The following RRH variants were observed in gnomAD, a reference collection of about 807,000 sequenced individuals.
The protein encoded by RRH is visual pigment-like receptor peropsin.
A neutral mutation model predicts 33.1 loss-of-function variants in RRH; 36 were observed. That is an observed-to-expected ratio of 1.09 (90% CI 0.83 to 1.44). The LOEUF (loss-of-function observed/expected upper bound fraction) is 1.44, where lower values mean the gene tolerates loss of function less well. Among genes scored for constraint, RRH ranks in the 40% most tolerant of loss-of-function variants. The pLI is 0.00. For synonymous variants in RRH, 124 were observed against 140.2 expected (o/e 0.88, Z 0.82); for missense variants, 393 against 420.2 (o/e 0.94, Z 0.57).
intron 4 of RRH, among the ~76,000 whole-genome samples, chr4:109,836,860 G>C (rs1733893663): frequency 7.8e-6 from 1 of 127,740 alleles, no homozygotes; most frequent in Non-Finnish European, 1.6e-5. Context: ...TTTGAGACCA[G>C]CCTGGGCAAC....
In RRH at chr4:109,837,565, C is replaced by G; in HGVS notation, c.680C>G (p.Ser227Cys). 6.2e-7 allele frequency: 1 copy of G among 1,613,948 alleles called. No homozygotes were observed. Among genetic ancestry groups the G allele is most frequent in the Non-Finnish European group, 8.5e-7 (1 of 1,179,864 alleles). ...KHHTTSDCTE[S>C]LNRDWSDQID... ...CACACTACCAGTGACTGCACTGAGT[C>G]CCTCAACAGAGACTGGTCAGATCAG... Residue 227 changes from serine (S) to cysteine (C), a missense_variant, in exon 5 of 7, where the codon TCC becomes TGC. Coordinates refer to ENST00000317735, the MANE Select transcript of RRH (RefSeq NM_006583.5).
At chr4:109,828,261 T>A in intron 1 of RRH, 128 bp downstream of exon 1, 1 of 666,226 alleles carries the variant, frequency 1.5e-6, no homozygotes, top group Non-Finnish European at 2.7e-6. Flanking sequence ...TTATCCTGAC[T>A]TGGCTTGCTC....
chr4:109,834,077 A>G (rs187004459), intron 2 of RRH, among the ~76,000 whole-genome samples: 1 of 152,250 alleles, frequency 6.6e-6, no homozygotes, highest in Admixed American at 6.5e-5. Context: ...TCTCTAATAT[A>G]TGTGCACATA....
intron 1 of RRH, among the ~76,000 whole-genome samples, chr4:109,829,315 A>G (rs754079726): frequency 1.3e-5 from 2 of 151,916 alleles, no homozygotes; most frequent in Non-Finnish European, 2.9e-5. Context: ...GACAAGTTCT[A>G]GTTTTTTTGT....
chr4:109,828,239 TTGACAAGTCATTTATCC>T, intron 1 of RRH, 106 bp downstream of exon 1: 1 of 741,896 alleles, frequency 1.3e-6, no homozygotes. Context: ...TTGGCCAACC[TTGACAAGTCATTTATCC>T]TGACTTGGCT....
At position 109,835,376 on chromosome 4, in the gene RRH, G is replaced by A; in HGVS notation, c.308G>A (p.Gly103Glu). The change falls in exon 3 of 7, where the codon GGA (glycine) becomes GAA (glutamate). Residue 103 changes from glycine to glutamate, a missense_variant. Coordinates refer to ENST00000317735, the MANE Select transcript of RRH (RefSeq NM_006583.5). ...FGYAGCQVYAGLNIFFGMASI... is the reference protein window; with the variant it reads ...FGYAGCQVYAELNIFFGMASI... ...AATTTTGGTTTTCAGGTTTATGCTG[G>A]ATTGAATATTTTTTTTGGAATGGCA... 6.2e-7 allele frequency: 1 copy of A among 1,613,732 alleles called. No individual in the cohort carries two copies. Among genetic ancestry groups the A allele is most frequent in the Non-Finnish European group, 8.5e-7 (1 of 1,179,668 alleles).
At chr4:109,837,001 G>T in intron 4 of RRH, among the ~76,000 whole-genome samples, 1 of 151,898 alleles carries the variant, frequency 6.6e-6, no homozygotes, top group East Asian at 1.9e-4. Context: ...AATGGAGATT[G>T]GCTTGGGCTG....
chr4:109,839,099 G>GGAGATTTGTTTCTTT (rs1560585593), intron 5 of RRH, among the ~76,000 whole-genome samples: 1 of 149,824 alleles, frequency 6.7e-6, no homozygotes, highest in African/African-American at 2.5e-5. Flanking sequence ...TTCTTTTGTG[G>GGAGATTTGTTTCTTT]TTGTTGTTTG....
rs564564726 is a variant in RRH at position 109,840,807 on chromosome 4, C to T, written c.721-1662C>T. Among the ~76,000 whole-genome samples the T allele has an allele frequency of 4.6e-5, 7 of 151,334 alleles. No individual in the cohort carries two copies. The South Asian group carries it at 1.5e-3, about 32-fold the overall frequency. Reference sequence around the variant, plus strand: ...TAATGTCTGGTGGTCAGTGATTGTCCCTTCATACTTAAGAGTAATGCATTA... The same window carrying T: ...TAATGTCTGGTGGTCAGTGATTGTCTCTTCATACTTAAGAGTAATGCATTA... On this transcript the variant is annotated intron_variant, in intron 5 of 6. Coordinates refer to ENST00000317735, the MANE Select transcript of RRH (RefSeq NM_006583.5).
intron 6 of RRH, among the ~76,000 whole-genome samples, chr4:109,843,331 C>A (rs1463305664): frequency 6.6e-6 from 1 of 152,192 alleles, no homozygotes; most frequent in Non-Finnish European, 1.5e-5. Context: ...CTGCCTCAGC[C>A]TCCCGAGTAG....
intron 1 of RRH, among the ~76,000 whole-genome samples, chr4:109,831,139 TG>T (rs1733741747): frequency 6.6e-6 from 1 of 152,190 alleles, no homozygotes; most frequent in African/African-American, 2.4e-5. Context: ...TCCTTTATTC[TG>T]GTTGCGTACT....
At position 109,836,266 on chromosome 4, in the gene RRH, G is replaced by A. The variant is rs190463821; in HGVS notation, c.551+106G>A. 1.3e-4 allele frequency: 153 copies of A among 1,179,724 alleles called. No individual in the cohort carries two copies. In the East Asian group the frequency reaches 1.9e-3, roughly 15 times the overall value. 73.1% of individuals were successfully genotyped at this position (1,179,724 alleles called of 1,614,324 possible). ...ATGTGTTCCTCATACAGAAGGTGGC[G>A]AAGCACTTCCCTGGTAGTGATGATG... is the stretch of plus-strand genomic sequence containing the variant. On this transcript the variant is annotated intron_variant, in intron 4 of 6. Coordinates refer to ENST00000317735, the MANE Select transcript of RRH (RefSeq NM_006583.5).
intron 2 of RRH, among the ~76,000 whole-genome samples, chr4:109,833,957 G>T (rs58489427): frequency 6.6e-6 from 1 of 152,016 alleles, no homozygotes. Flanking sequence ...TTAATGTTTC[G>T]CAATCTGTGC....
chr4:109,831,984 G>A (rs2125892207), intron 1 of RRH, among the ~76,000 whole-genome samples: 1 of 152,004 alleles, frequency 6.6e-6, no homozygotes, highest in African/African-American at 2.4e-5. Flanking sequence ...TTACTGAGCT[G>A]ATGTTGTATG....
chr4:109,840,151 G>A (rs185310039), intron 5 of RRH, among the ~76,000 whole-genome samples: 1 of 151,698 alleles, frequency 6.6e-6, no homozygotes, highest in Non-Finnish European at 1.5e-5. Context: ...CTTTTTATTA[G>A]CAGCTATTCT....
rs1414285108 is a variant in RRH at position 109,837,436 on chromosome 4, G to T, written c.552-1G>T. 1 of 1,613,694 alleles carries T rather than the reference G, an allele frequency of 6.2e-7. No individual in the cohort carries two copies. Among genetic ancestry groups the T allele is most frequent in the Admixed American group, 1.7e-5 (1 of 60,012 alleles). ...TCATGATTGCCTTTTCTTATTTTCA[G>T]ATCTTTTGTGTCTTACACCATGACA... On this transcript the variant is annotated splice_acceptor_variant, in intron 4 of 6. Coordinates refer to ENST00000317735, the MANE Select transcript of RRH (RefSeq NM_006583.5). LOFTEE classifies it high-confidence loss of function.
intron 1 of RRH, among the ~76,000 whole-genome samples, chr4:109,830,367 A>G (rs951984947): frequency 6.6e-5 from 10 of 152,168 alleles, no homozygotes; most frequent in Admixed American, 1.3e-4. Flanking sequence ...GAAATGTGCT[A>G]TAGTGGTAGC....
At position 109,836,009 on chromosome 4, in the gene RRH, A is replaced by C. The variant is rs1285323779; in HGVS notation, c.400A>C (p.Arg134=). The change falls in exon 4 of 7, where the codon AGA becomes CGA. Residue 134 remains arginine (R), a splice_region_variant and synonymous_variant. Coordinates refer to ENST00000317735, the MANE Select transcript of RRH (RefSeq NM_006583.5). ...YLTICLPDVG[R]RMTTNTYIGL... ...ATATTTCCTGTGCTTGATAATAGGGAGAAGAATGACCACCAACACTTACAT... is the reference window on the plus strand; with the variant it reads ...ATATTTCCTGTGCTTGATAATAGGGCGAAGAATGACCACCAACACTTACAT... The C allele has an allele frequency of 1.2e-6, 2 of 1,614,172 alleles. 1 individual carries two copies. The highest frequency in any genetic ancestry group is 2.2e-5 in the South Asian group (2 of 91,074).
At chr4:109,836,926 G>A (rs76203655) in intron 4 of RRH, among the ~76,000 whole-genome samples, 1 of 141,018 alleles carries the variant, frequency 7.1e-6, no homozygotes, top group Non-Finnish European at 1.5e-5. Flanking sequence ...AGGGTGGTGC[G>A]GGGGGTGGGA....
Sources: allele counts gnomAD v4.1 joint callset (sites outside exome capture counted in the v4.1 genomes callset), GRCh38; gene constraint gnomAD v4.1.1; transcripts MANE v1.5; gene names NCBI Gene and HGNC (gene_info 2026-07-23, HGNC 2026-07-21).